WDR49: variants seen among roughly 807,000 people sequenced by gnomAD.
WDR49 encodes cilia- and flagella-associated protein 337.
Under a neutral mutation model 119.5 loss-of-function variants are expected in WDR49, and 107 were observed. The ratio of observed to expected loss-of-function variants is 0.90; its 90% CI spans 0.77 to 1.05. The LOEUF is 1.05. Among genes scored for constraint, WDR49 ranks in the 50% least tolerant of loss-of-function variants. The pLI, the probability that WDR49 is intolerant of heterozygous loss-of-function variation, is 0.00. For synonymous variants in WDR49, 425 were observed against 418.8 expected (o/e 1.01, Z -0.18); for missense variants, 1,240 against 1,220.5 (o/e 1.02, Z -0.24).
rs1713646815 is a variant in WDR49, at chr3:167,567,016, A to G, written c.1510-6788T>C. On this transcript the variant is annotated intron_variant, in intron 8 of 18. Transcript: ENST00000682715. ...AGGTGGGCACACTTGGTGTAACTTC[A>G]CAGAAATATATTGTAATTTCTGTCG... is the stretch of plus-strand genomic sequence containing the variant. 1.3e-5 allele frequency: 6 copies of G among 469,342 alleles called. No individual in the cohort carries two copies. In the South Asian group the frequency reaches 2.4e-4, roughly 19 times the overall value. 29.1% of individuals were successfully genotyped at this position (469,342 alleles called of 1,614,324 possible). A position where few individuals can be genotyped will look rare whatever the true frequency, so the allele number is the denominator to read the frequency against.
intron 3 of WDR49, among the ~76,000 whole-genome samples, chr3:167,626,234 T>C (rs1489289850): frequency 6.6e-6 from 1 of 152,028 alleles, no homozygotes; most frequent in African/African-American, 2.4e-5. Flanking sequence ...AGATTAGCCG[T>C]GAATTGAAAA....
At chr3:167,481,893 T>C (rs11706682) in intron 18 of WDR49, among the ~76,000 whole-genome samples, 49,632 of 152,060 alleles carry the variant, frequency 0.33, 8,318 homozygotes, top group East Asian at 0.49. Flanking sequence ...GGAGATACAA[T>C]TCAAATTGAG....
At chr3:167,544,700 A>T (rs536638007) in intron 10 of WDR49, among the ~76,000 whole-genome samples, 1 of 152,234 alleles carries the variant, frequency 6.6e-6, no homozygotes, top group South Asian at 2.1e-4. Flanking sequence ...TGCAAGATGG[A>T]TCAAATACTT....
intron 10 of WDR49, among the ~76,000 whole-genome samples, chr3:167,541,031 G>A (rs1318403439): frequency 6.6e-6 from 1 of 151,838 alleles, no homozygotes; most frequent in Non-Finnish European, 1.5e-5. Flanking sequence ...AATGAATAAA[G>A]ACTCCAAGAA....
rs1751506432 is a variant in WDR49, at chr3:167,500,191, T to C, written c.2993A>G (p.Glu998Gly). 2 of 1,585,916 alleles carry C rather than the reference T, an allele frequency of 1.3e-6. No individual in the cohort carries two copies. Among genetic ancestry groups the C allele is most frequent in the African/African-American group, 1.4e-5 (1 of 72,644 alleles). ...CGGGGCCTCCAGAATTTGGGGACGCTCTTCCTCTGGTTCTTTCCTAAAGTA... is the reference window on the plus strand; with the variant it reads ...CGGGGCCTCCAGAATTTGGGGACGCCCTTCCTCTGGTTCTTTCCTAAAGTA... Reference protein sequence around the residue: ...EKYFRKEPEEERPQILEAPSL... With the variant: ...EKYFRKEPEEGRPQILEAPSL... Residue 998 changes from glutamate to glycine, a missense_variant, in exon 18 of 19, where the codon GAG becomes GGG. Physicochemically the swap from Glu to Gly is moderately conservative, Grantham distance 98 (BLOSUM62 -2). Coordinates refer to ENST00000682715, the MANE Select transcript of WDR49 (RefSeq NM_001366157.1).
chr3:167,596,164 A>G (rs2108300313), intron 7 of WDR49, among the ~76,000 whole-genome samples: 1 of 152,000 alleles, frequency 6.6e-6, no homozygotes, highest in South Asian at 2.1e-4. Flanking sequence ...TCAAAACCAC[A>G]GTGAGATACC....
chr3:167,555,777 A>G (rs1162062641), intron 9 of WDR49, among the ~76,000 whole-genome samples: 2 of 152,090 alleles, frequency 1.3e-5, no homozygotes, highest in African/African-American at 4.8e-5. Context: ...TTTTTTTCCT[A>G]TATAAAGTCA....
At chr3:167,580,940 AT>A (rs1177945734) in intron 7 of WDR49, among the ~76,000 whole-genome samples, 1 of 152,112 alleles carries the variant, frequency 6.6e-6, no homozygotes. Context: ...CAATGGAATA[AT>A]TTTTTTAATT....
intron 18 of WDR49, among the ~76,000 whole-genome samples, chr3:167,498,131 C>T (rs929851214): frequency 5.3e-5 from 8 of 152,106 alleles, no homozygotes; most frequent in Non-Finnish European, 4.4e-5. Flanking sequence ...TGAGCCACCG[C>T]GCCCAGCCCC....
At chr3:167,505,222 T>C in intron 17 of WDR49, 85 bp downstream of exon 17, 1 of 1,283,350 alleles carries the variant, frequency 7.8e-7, no homozygotes, top group Non-Finnish European at 9.9e-7. Context: ...ATAGGAACAT[T>C]CCTGACACAC....
chr3:167,644,722 T>A (rs542531042), intron 2 of WDR49, among the ~76,000 whole-genome samples: 5 of 152,294 alleles, frequency 3.3e-5, no homozygotes, highest in African/African-American at 9.6e-5. Flanking sequence ...ATACATGTGG[T>A]ACATTTTATA....
chr3:167,591,365 A>G (rs1221140389), intron 7 of WDR49, among the ~76,000 whole-genome samples: 1 of 152,074 alleles, frequency 6.6e-6, no homozygotes, highest in African/African-American at 2.4e-5. Context: ...AGTCAGAAAA[A>G]GATTTTGTAT....
At chr3:167,561,637 G>T (rs145682969) in intron 8 of WDR49, among the ~76,000 whole-genome samples, 3 of 152,276 alleles carry the variant, frequency 2.0e-5, no homozygotes, top group African/African-American at 7.2e-5. Flanking sequence ...GGCAAGTCAG[G>T]ATTCACAAAG....
At chr3:167,485,069 C>T (rs1406674573) in intron 18 of WDR49, among the ~76,000 whole-genome samples, 3 of 152,100 alleles carry the variant, frequency 2.0e-5, no homozygotes, top group Non-Finnish European at 4.4e-5. Flanking sequence ...TGGAGGCCAT[C>T]ATTCTCAGCA....
intron 16 of WDR49, among the ~76,000 whole-genome samples, chr3:167,509,200 A>C (rs2108217773): frequency 6.6e-6 from 1 of 152,340 alleles, no homozygotes; most frequent in South Asian, 2.1e-4. Flanking sequence ...AGATAATAAA[A>C]AATGGAGTAG....
At chr3:167,509,401 G>A (rs116631852) in intron 16 of WDR49, among the ~76,000 whole-genome samples, 1 of 152,146 alleles carries the variant, frequency 6.6e-6, no homozygotes, top group Non-Finnish European at 1.5e-5. Context: ...TGCCATAGGA[G>A]TTAGTCTAGT....
At chr3:167,594,373 A>C (rs1303934911) in intron 7 of WDR49, among the ~76,000 whole-genome samples, 1 of 152,162 alleles carries the variant, frequency 6.6e-6, no homozygotes, top group African/African-American at 2.4e-5. Context: ...CAAAGGTCAA[A>C]CTTCCTATTC....
chr3:167,480,918 C>A (rs1418431208), intron 18 of WDR49, among the ~76,000 whole-genome samples: 1 of 152,068 alleles, frequency 6.6e-6, no homozygotes, highest in African/African-American at 2.4e-5. Context: ...TGGTTTGGAT[C>A]GGTGAAATAG....
At chr3:167,645,944 G>T (rs1006107816) in intron 2 of WDR49, among the ~76,000 whole-genome samples, 1 of 152,150 alleles carries the variant, frequency 6.6e-6, no homozygotes, top group African/African-American at 2.4e-5. Flanking sequence ...CGCTAATCCC[G>T]CCTGCATGGT....
Sources: allele counts gnomAD v4.1 joint callset (sites outside exome capture counted in the v4.1 genomes callset), GRCh38; gene constraint gnomAD v4.1.1; transcripts MANE v1.5; gene names NCBI Gene and HGNC (gene_info 2026-07-23, HGNC 2026-07-21).